The following DMD variants were observed in gnomAD, a reference collection of about 807,000 sequenced individuals.
DMD encodes mutant dystrophin.
In DMD, 63 loss-of-function variants were observed where a neutral mutation model predicts 330.1. The observed-to-expected ratio is 0.19, with a 90% confidence interval of 0.16 to 0.24. DMD has a LOEUF of 0.24. DMD is among the 10% of genes least tolerant of loss of function. DMD has a pLI of 1.00. For missense variants in DMD, 3,344 were observed against 2,684.1 expected (o/e 1.25, Z -5.43); for synonymous variants, 1,223 against 959.8 (o/e 1.27, Z -5.07).
rs771619331 is a variant in DMD at position 32,565,925 on chromosome X, C to A, written c.1813-44G>T. 14 of 1,083,659 alleles carry A rather than the reference C, an allele frequency of 1.3e-5. No homozygotes were observed. The South Asian group carries it at 2.5e-4, about 19-fold the overall frequency. 89.3% of individuals were successfully genotyped at this position (1,083,659 alleles called of 1,213,427 possible). A position where few individuals can be genotyped will look rare whatever the true frequency, so the allele number is the denominator to read the frequency against. On this transcript the variant is annotated intron_variant, in intron 15 of 78. Transcript: ENST00000357033. ...TCACAGAATAAGCCTGGGTTGCATT[C>A]CATACACCACTATAGTTCAATCTGC...
intron 1 of DMD, among the ~76,000 whole-genome samples, chrX:33,032,063 C>T (rs1275100134): frequency 8.9e-6 from 1 of 111,924 alleles, no homozygotes; most frequent in Non-Finnish European, 1.9e-5. Flanking sequence ...TTTCTTCCTC[C>T]TTTCCACTTG....
intron 52 of DMD, among the ~76,000 whole-genome samples, chrX:31,710,729 A>G (rs1875897705): frequency 9.0e-6 from 1 of 111,469 alleles, no homozygotes. Context: ...TGTAGCATGA[A>G]TCAGTCTCCC....
chrX:33,253,371 G>C (rs1175292634), intron 1 of DMD, among the ~76,000 whole-genome samples: 1 of 111,445 alleles, frequency 9.0e-6, no homozygotes, highest in Admixed American at 9.6e-5. Context: ...ATGAAGACAC[G>C]AACTACTTCT....
intron 48 of DMD, among the ~76,000 whole-genome samples, chrX:31,852,942 G>T (rs1380111513): frequency 8.9e-6 from 1 of 112,396 alleles, no homozygotes; most frequent in African/African-American, 3.2e-5. Context: ...GGAGTGCAGT[G>T]GCATGATCTC....
intron 43 of DMD, among the ~76,000 whole-genome samples, chrX:32,241,333 A>G (rs1394274336): frequency 8.9e-6 from 1 of 112,356 alleles, no homozygotes; most frequent in African/African-American, 3.2e-5. Flanking sequence ...CAATCCATTC[A>G]TCAAGCAAGA....
At chrX:33,147,312 A>C (rs1390941216) in intron 1 of DMD, among the ~76,000 whole-genome samples, 1 of 111,838 alleles carries the variant, frequency 8.9e-6, no homozygotes, top group Non-Finnish European at 1.9e-5. Flanking sequence ...ATACATAAAC[A>C]TAAACACTTG....
At chrX:32,192,838 T>C (rs1031583973) in intron 44 of DMD, among the ~76,000 whole-genome samples, 2 of 112,247 alleles carry the variant, frequency 1.8e-5, no homozygotes, top group Admixed American at 1.9e-4. Flanking sequence ...GTCTACAAAG[T>C]AAAATCACTG....
chrX:33,054,371 A>G (rs1250950074), intron 1 of DMD, among the ~76,000 whole-genome samples: 1 of 112,109 alleles, frequency 8.9e-6, no homozygotes, highest in African/African-American at 3.2e-5. Context: ...TAACAACAAA[A>G]AATATATTCT....
chrX:31,666,804 C>T (rs904171852), intron 53 of DMD, among the ~76,000 whole-genome samples: 1 of 111,788 alleles, frequency 8.9e-6, no homozygotes, highest in African/African-American at 3.2e-5. Context: ...GTGATGGAGG[C>T]TCCCATCTAG....
intron 11 of DMD, among the ~76,000 whole-genome samples, chrX:32,628,276 TTTTTTTTTTTTTTTTTTTTA>T (rs1363090873): frequency 4.5e-5 from 3 of 66,260 alleles, no homozygotes; most frequent in Admixed American, 1.7e-4. Context: ...TTTTTTTTTT[TTTTTTTTTTTTTTTTTTTTA>T]AGCTCTCACA....
chrX:31,894,216 A>G (rs897175733), intron 47 of DMD, among the ~76,000 whole-genome samples: 7 of 112,228 alleles, frequency 6.2e-5, no homozygotes, highest in African/African-American at 2.3e-4. Flanking sequence ...GCTTAACACA[A>G]TCAACTGCCA....
In DMD at chrX:32,867,577, C is replaced by A. The variant is rs185425745; in HGVS notation, c.94-17757G>T. 2.7e-3 allele frequency among the ~76,000 whole-genome samples: 300 copies of A among 111,833 alleles called. 4 individuals are homozygous for A. The highest frequency in any genetic ancestry group is 6.2e-4 in the Non-Finnish European group (33 of 53,174). ...CTTTATTACATAACTACAAAAGGTA[C>A]CTAATTCAGTGATTCATCTTTATCA... On this transcript the variant is annotated intron_variant, in intron 2 of 78. Transcript: ENST00000357033.
intron 2 of DMD, among the ~76,000 whole-genome samples, chrX:32,901,290 T>C (rs1267511134): frequency 9.0e-6 from 1 of 111,653 alleles, no homozygotes; most frequent in Non-Finnish European, 1.9e-5. Flanking sequence ...AATTCTTTTT[T>C]AAAGGGAAAA....
At chrX:32,881,035 TTAGA>T (rs1171145168) in intron 2 of DMD, among the ~76,000 whole-genome samples, 1 of 112,722 alleles carries the variant, frequency 8.9e-6, no homozygotes, top group Non-Finnish European at 1.9e-5. Context: ...GCTAAAAATC[TTAGA>T]TTGAGTTATT....
At chrX:33,059,385 T>C (rs1225180248) in intron 1 of DMD, among the ~76,000 whole-genome samples, 1 of 93,468 alleles carries the variant, frequency 1.1e-5, no homozygotes, top group Non-Finnish European at 2.2e-5. Context: ...TCTCACTTTC[T>C]TTCTCTCTCT....
intron 7 of DMD, among the ~76,000 whole-genome samples, chrX:32,784,612 G>C (rs982664971): frequency 1.4e-4 from 16 of 111,595 alleles, no homozygotes; most frequent in African/African-American, 5.2e-4. Flanking sequence ...AAAAAGTTAG[G>C]TTCCCGCTCC....
chrX:31,728,745 C>T (rs1237733136), intron 52 of DMD, among the ~76,000 whole-genome samples: 4 of 111,742 alleles, frequency 3.6e-5, no homozygotes, highest in Non-Finnish European at 7.5e-5. Context: ...GGTTTTCCTC[C>T]TTCCTGCACT....
chrX:32,412,312 C>G (rs1201682169), intron 29 of DMD: 1 of 758,227 alleles, frequency 1.3e-6, no homozygotes. Flanking sequence ...CAATCCAATT[C>G]AAGACAGATA....
At chrX:33,058,696 T>C (rs2094547428) in intron 1 of DMD, among the ~76,000 whole-genome samples, 1 of 111,041 alleles carries the variant, frequency 9.0e-6, no homozygotes, top group Non-Finnish European at 1.9e-5. Flanking sequence ...CAAATATTAA[T>C]TTACACTTAA....
Sources: allele counts gnomAD v4.1 joint callset (sites outside exome capture counted in the v4.1 genomes callset), GRCh38; gene constraint gnomAD v4.1.1; transcripts MANE v1.5; gene names NCBI Gene and HGNC (gene_info 2026-07-23, HGNC 2026-07-21).